The following COL11A1 variants were observed in gnomAD, a reference collection of about 807,000 sequenced individuals.
COL11A1 encodes collagen type XI alpha 1 chain.
A neutral mutation model predicts 265.2 loss-of-function variants in COL11A1; 74 were observed. That is an observed-to-expected ratio of 0.28 (90% CI 0.23 to 0.34). COL11A1 has a LOEUF of 0.34. Among genes scored for constraint, COL11A1 ranks in the 10% least tolerant of loss-of-function variants. COL11A1 has a pLI of 1.00. For missense variants in COL11A1, 2,165 were observed against 2,263.6 expected (o/e 0.96, Z 0.88); for synonymous variants, 816 against 727.6 (o/e 1.12, Z -1.96).
intron 2 of COL11A1, among the ~76,000 whole-genome samples, chr1:103,080,085 T>G (rs1376034545): frequency 1.3e-5 from 2 of 151,894 alleles, no homozygotes; most frequent in Non-Finnish European, 2.9e-5. Flanking sequence ...AATACAAATA[T>G]GTATGGTATG....
At chr1:103,031,852 GAA>G (rs34710577) in intron 4 of COL11A1, among the ~76,000 whole-genome samples, 1 of 145,714 alleles carries the variant, frequency 6.9e-6, no homozygotes, top group African/African-American at 2.5e-5. Flanking sequence ...TTTATATTAA[GAA>G]AAAAAAAAGT....
intron 4 of COL11A1, among the ~76,000 whole-genome samples, chr1:103,046,135 C>A (rs6678609): frequency 1.3e-5 from 2 of 151,438 alleles, no homozygotes; most frequent in South Asian, 2.1e-4. Flanking sequence ...TATACACCCA[C>A]TAATGGGATG....
At chr1:102,920,737 C>T (rs961713120) in intron 48 of COL11A1, among the ~76,000 whole-genome samples, 2 of 152,130 alleles carry the variant, frequency 1.3e-5, no homozygotes, top group African/African-American at 4.8e-5. Context: ...ACGCAAGAAA[C>T]AAACCCCTTA....
At chr1:102,931,544 TG>T (rs1421359323) in intron 46 of COL11A1, among the ~76,000 whole-genome samples, 2 of 152,186 alleles carry the variant, frequency 1.3e-5, no homozygotes, top group Non-Finnish European at 2.9e-5. Flanking sequence ...AGGTGTTTTG[TG>T]GTGCTGAAAA....
rs1665374087 is a variant in COL11A1, at chr1:103,004,029, G to C, written c.1944+415C>G. ...CCTTCCCAGATCAGTTTCCTCATTTGTAATATTTGGTGGAGAAAAGTGATA... is the reference window on the plus strand; with the variant it reads ...CCTTCCCAGATCAGTTTCCTCATTTCTAATATTTGGTGGAGAAAAGTGATA... On this transcript the variant is annotated intron_variant, in intron 20 of 66. Coordinates refer to ENST00000370096, the MANE Select transcript of COL11A1 (RefSeq NM_001854.4). Among the ~76,000 whole-genome samples the C allele has an allele frequency of 3.9e-5, 6 of 152,166 alleles. No individual in the cohort carries two copies. The South Asian group carries it at 1.2e-3, about 32-fold the overall frequency.
chr1:103,045,275 G>A (rs1412710651), intron 4 of COL11A1, among the ~76,000 whole-genome samples: 1 of 152,158 alleles, frequency 6.6e-6, no homozygotes, highest in Non-Finnish European at 1.5e-5. Context: ...AAGATTATGA[G>A]CAAAGAGGTG....
intron 46 of COL11A1, among the ~76,000 whole-genome samples, chr1:102,928,412 C>T (rs1470441581): frequency 6.6e-6 from 1 of 151,748 alleles, no homozygotes; most frequent in Non-Finnish European, 1.5e-5. Context: ...CATCCATGTC[C>T]CTACAAAGGA....
At chr1:103,059,946 C>G (rs1670539410) in intron 4 of COL11A1, among the ~76,000 whole-genome samples, 1 of 151,854 alleles carries the variant, frequency 6.6e-6, no homozygotes, top group South Asian at 2.1e-4. Context: ...AGAATAGAAC[C>G]AACATTTGAA....
At chr1:102,907,901 G>T (rs1359560355) in intron 54 of COL11A1, among the ~76,000 whole-genome samples, 1 of 152,090 alleles carries the variant, frequency 6.6e-6, no homozygotes, top group African/African-American at 2.4e-5. Context: ...TGTGCAAAAT[G>T]TCATCTAGGA....
At chr1:102,955,642 G>A (rs898857799) in intron 41 of COL11A1, among the ~76,000 whole-genome samples, 16 of 152,048 alleles carry the variant, frequency 1.1e-4, no homozygotes, top group Non-Finnish European at 1.6e-4. Context: ...ATATCTGGAG[G>A]AGAGATTATT....
At position 102,989,591 on chromosome 1, in the gene COL11A1, AT is replaced by A. The variant is rs755913841; in HGVS notation, c.2341-21del. On this transcript the variant is annotated intron_variant, in intron 28 of 66. Transcript: ENST00000370096. ...TTCACCCTAAAACATTATAAAAGGA[AT>A]TAAATAGGAGTTTAATCAGTCCTTT... The A allele has an allele frequency of 1.0e-5, 16 of 1,576,386 alleles. No individual in the cohort carries two copies. In the African/African-American group the frequency reaches 2.2e-4, roughly 21 times the overall value.
At chr1:102,896,184 C>A (rs1446601365) in intron 57 of COL11A1, among the ~76,000 whole-genome samples, 1 of 146,412 alleles carries the variant, frequency 6.8e-6, no homozygotes, top group Non-Finnish European at 1.5e-5. Context: ...TAGCAATATT[C>A]CCATTTTATA....
intron 4 of COL11A1, 77 bp from the exon 5 acceptor site, chr1:103,031,321 G>T: frequency 6.7e-7 from 1 of 1,494,480 alleles, no homozygotes; most frequent in Non-Finnish European, 9.0e-7. Context: ...ACCAAAGCGA[G>T]ATGTGGTTTA....
chr1:103,037,912 A>G (rs1668499872), intron 4 of COL11A1, among the ~76,000 whole-genome samples: 1 of 152,164 alleles, frequency 6.6e-6, no homozygotes, highest in Admixed American at 6.5e-5. Flanking sequence ...GCTAGAGTAA[A>G]TCACACAGCT....
chr1:103,076,550 T>C (rs115144937), intron 3 of COL11A1, among the ~76,000 whole-genome samples: 2,183 of 152,230 alleles, frequency 0.014, 42 homozygotes, highest in African/African-American at 0.05. Flanking sequence ...CCCTTGCACA[T>C]GTTCTTCACC....
At chr1:103,056,428 T>C (rs1371527346) in intron 4 of COL11A1, among the ~76,000 whole-genome samples, 1 of 152,142 alleles carries the variant, frequency 6.6e-6, no homozygotes, top group Non-Finnish European at 1.5e-5. Context: ...AATACCAATA[T>C]TCTGACAGTT....
chr1:103,033,998 T>A (rs1367741608), intron 4 of COL11A1, among the ~76,000 whole-genome samples: 1 of 152,048 alleles, frequency 6.6e-6, no homozygotes, highest in Non-Finnish European at 1.5e-5. Flanking sequence ...TCTTTCCCCC[T>A]ACCCCCCAGA....
intron 42 of COL11A1, among the ~76,000 whole-genome samples, chr1:102,942,065 TAAG>T (rs1013671163): frequency 6.6e-6 from 1 of 152,206 alleles, no homozygotes; most frequent in Non-Finnish European, 1.5e-5. Context: ...ATAATTATTA[TAAG>T]AAGGATGCCC....
At chr1:103,073,619 G>A (rs1671746622) in intron 4 of COL11A1, among the ~76,000 whole-genome samples, 1 of 151,614 alleles carries the variant, frequency 6.6e-6, no homozygotes, top group Non-Finnish European at 1.5e-5. Context: ...AGTCAGAAAC[G>A]ATAGCATCTC....
Sources: gnomAD v4.1 joint callset for allele counts (sites outside exome capture counted in the v4.1 genomes callset) on GRCh38, gnomAD v4.1.1 for gene constraint, MANE v1.5 for transcripts, NCBI Gene and HGNC (gene_info 2026-07-23, HGNC 2026-07-21) for gene names.